The following LGR6 variants were observed in gnomAD, a reference collection of about 807,000 sequenced individuals.
LGR6 encodes leucine rich repeat containing G protein-coupled receptor 6.
LGR6 carries 45 observed loss-of-function variants against 69.4 expected under a neutral mutation model. That is an observed-to-expected ratio of 0.65 (90% CI 0.51 to 0.83). LGR6 has a LOEUF of 0.83. LGR6 is among the 40% of genes least tolerant of loss of function. The pLI is 0.00. For missense variants in LGR6, 1,108 were observed against 1,246.7 expected, an observed-to-expected ratio of 0.89 and a Z score of 1.68; for synonymous variants, 538 against 555.0, an observed-to-expected ratio of 0.97 and a Z score of 0.43.
chr1:202,306,185 G>A (rs1381214227), intron 12 of LGR6, among the ~76,000 whole-genome samples: 1 of 152,174 alleles, frequency 6.6e-6, no homozygotes, highest in Non-Finnish European at 1.5e-5. Context: ...GTATGTGTTT[G>A]CATATTACAC....
intron 1 of LGR6, among the ~76,000 whole-genome samples, chr1:202,211,304 C>A (rs1035011996): frequency 2.6e-5 from 4 of 152,184 alleles, no homozygotes; most frequent in Admixed American, 2.6e-4. Flanking sequence ...CATGAGATGC[C>A]ATGGGAACCT....
At chr1:202,243,105 C>CA (rs1050404280) in intron 4 of LGR6, among the ~76,000 whole-genome samples, 2 of 151,702 alleles carry the variant, frequency 1.3e-5, no homozygotes, top group African/African-American at 4.8e-5. Context: ...GGGTGCTGGG[C>CA]TGCCTCTCAA....
At chr1:202,235,373 A>G (rs11810816) in intron 3 of LGR6, among the ~76,000 whole-genome samples, 1 of 152,170 alleles carries the variant, frequency 6.6e-6, no homozygotes, top group Non-Finnish European at 1.5e-5. Flanking sequence ...AGATTGGGCC[A>G]TGAGAATAGT....
chr1:202,194,139 C>A lies in LGR6; in HGVS notation c.150C>A (p.Ala50=), dbSNP rs774124605. The change falls in exon 1 of 18, where the codon GCC becomes GCA. Residue 50 remains alanine, a synonymous_variant. Transcript: ENST00000367278. ...HCQEDGIMLS[A]DCSELGLSAV... ...AGGAGGACGGCATCATGCTGTCTGC[C>A]GACTGCTCTGAGCTCGGGCTGTCCG... 6.4e-7 allele frequency: 1 copy of A among 1,574,286 alleles called. No individual in the cohort carries two copies. The highest frequency in any genetic ancestry group is 8.6e-7 in the Non-Finnish European group (1 of 1,169,408).
chr1:202,210,476 T>G (rs919349425), intron 1 of LGR6, among the ~76,000 whole-genome samples: 2 of 150,496 alleles, frequency 1.3e-5, no homozygotes, highest in Admixed American at 6.6e-5. Flanking sequence ...ATGGACCTAT[T>G]TGAGAGAGAG....
chr1:202,197,005 A>G (rs1387222252), intron 1 of LGR6: 2 of 531,316 alleles, frequency 3.8e-6, no homozygotes, highest in African/African-American at 3.9e-5. Flanking sequence ...AAAAATGTTA[A>G]AACACTTGGA....
chr1:202,315,172 A>G (rs1558088876), intron 17 of LGR6, among the ~76,000 whole-genome samples: 1 of 152,214 alleles, frequency 6.6e-6, no homozygotes, highest in South Asian at 2.1e-4. Context: ...AGAAGCAGGA[A>G]AGAATGCCTT....
chr1:202,315,562 G>T (rs77796408), intron 17 of LGR6, among the ~76,000 whole-genome samples: 2,573 of 152,360 alleles, frequency 0.017, 84 homozygotes, highest in African/African-American at 0.058. Flanking sequence ...GCCACAGAAG[G>T]TGGCAAGCAG....
At chr1:202,293,363 C>T (rs1035264947) in intron 6 of LGR6, among the ~76,000 whole-genome samples, 2 of 152,228 alleles carry the variant, frequency 1.3e-5, no homozygotes, top group African/African-American at 4.8e-5. Context: ...ACACATGTCA[C>T]ATTTCCATGA....
intron 11 of LGR6, among the ~76,000 whole-genome samples, chr1:202,305,065 CTG>C (rs1667883582): frequency 6.6e-6 from 1 of 152,146 alleles, no homozygotes; most frequent in African/African-American, 2.4e-5. Flanking sequence ...CAACTTGAAT[CTG>C]AGGCTCCTCA....
At chr1:202,257,046 T>C (rs1479368013) in intron 4 of LGR6, among the ~76,000 whole-genome samples, 1 of 152,224 alleles carries the variant, frequency 6.6e-6, no homozygotes, top group Non-Finnish European at 1.5e-5. Flanking sequence ...CCTTGCCTAT[T>C]TCCTGACTGG....
intron 6 of LGR6, among the ~76,000 whole-genome samples, chr1:202,284,214 T>G (rs1297289519): frequency 3.3e-5 from 5 of 152,232 alleles, no homozygotes; most frequent in Non-Finnish European, 7.3e-5. Context: ...ACATTTCTCC[T>G]GATGTAGTCA....
Position 202,268,062 on chromosome 1 carries a change from G to C in LGR6, c.429-8244G>C, listed in dbSNP as rs1028638684. On this transcript the variant is annotated intron_variant, in intron 4 of 17. Transcript: ENST00000367278. This position sits in a 1 kb window ranked among gnomAD's most constrained non-coding sequence, Gnocchi z 4.4. The stretch of plus-strand genomic sequence containing the variant: ...GAGGCTGGGAGGGGTGTCAGTCCGC[G>C]GGAAGGCAGAAGCTCATGAGCATCC... 4.6e-5 allele frequency among the ~76,000 whole-genome samples: 7 copies of C among 152,146 alleles called. No homozygotes were observed. Among genetic ancestry groups the C allele is most frequent in the Admixed American group, 2.0e-4 (3 of 15,282 alleles).
chr1:202,302,632 C>T (rs140733742), intron 9 of LGR6, among the ~76,000 whole-genome samples: 2,058 of 152,122 alleles, frequency 0.014, 28 homozygotes, highest in South Asian at 0.038. Flanking sequence ...CTGCAACCTC[C>T]GCCTCCTGGG....
At chr1:202,234,265 C>T (rs984226329) in intron 3 of LGR6, among the ~76,000 whole-genome samples, 1 of 152,208 alleles carries the variant, frequency 6.6e-6, no homozygotes, top group African/African-American at 2.4e-5. Context: ...AACCTAATCC[C>T]AGGGGTCCCC....
chr1:202,297,593 G>A lies in LGR6; in HGVS notation c.785+17G>A, dbSNP rs367732358. 13 of 1,610,206 alleles carry A rather than the reference G, an allele frequency of 8.1e-6. No homozygotes were observed. Among genetic ancestry groups the A allele is most frequent in the South Asian group, 3.3e-5 (3 of 90,806 alleles). On this transcript the variant is annotated intron_variant, in intron 7 of 17. Transcript: ENST00000367278. ...GCAGGAACTGTAAGCGCCTCTTTTG[G>A]TTTCTGTGGGTGTCCTTCTGTCCCA...
intron 6 of LGR6, among the ~76,000 whole-genome samples, chr1:202,286,023 G>T (rs192960875): frequency 2.8e-4 from 43 of 152,240 alleles, no homozygotes; most frequent in Admixed American, 7.2e-4. Flanking sequence ...GTTTTCTTCT[G>T]TGTCTCTCCT....
chr1:202,236,069 A>G, intron 4 of LGR6, 76 bp downstream of exon 4: 2 of 1,252,234 alleles, frequency 1.6e-6, no homozygotes, highest in African/African-American at 1.5e-5. Context: ...CCCCTGCCTC[A>G]GCTTTCCCTT....
intron 4 of LGR6, among the ~76,000 whole-genome samples, chr1:202,259,939 A>G (rs891801984): frequency 1.3e-5 from 2 of 152,240 alleles, no homozygotes; most frequent in Non-Finnish European, 2.9e-5. Flanking sequence ...CTGTTGTCCA[A>G]TGCCTCAAAC....
Sources: allele counts gnomAD v4.1 joint callset (sites outside exome capture counted in the v4.1 genomes callset), GRCh38; gene constraint gnomAD v4.1.1; non-coding constraint Gnocchi (gnomAD v3.1); transcripts MANE v1.5; gene names NCBI Gene and HGNC (gene_info 2026-07-23, HGNC 2026-07-21).